ROBO2: variants seen among roughly 807,000 people sequenced by gnomAD.
The protein encoded by ROBO2 is roundabout homolog 2.
In ROBO2, 53 loss-of-function variants were observed where a neutral mutation model predicts 160.8. The ratio of observed to expected loss-of-function variants is 0.33; its 90% CI spans 0.26 to 0.41. The LOEUF is 0.41. ROBO2 is among the 10% of genes least tolerant of loss of function. The pLI is 1.00. For missense variants in ROBO2, 1,577 were observed against 1,722.4 expected (o/e 0.92, Z 1.49); for synonymous variants, 664 against 611.7 (o/e 1.09, Z -1.26).
chr3:76,407,195 T>A (rs574573364), intron 2 of ROBO2, among the ~76,000 whole-genome samples: 1 of 152,060 alleles, frequency 6.6e-6, no homozygotes, highest in South Asian at 2.1e-4. Context: ...TATTCAGGTC[T>A]CATTTTACAT....
intron 2 of ROBO2, among the ~76,000 whole-genome samples, chr3:77,413,338 G>A (rs1050290014): frequency 1.3e-5 from 2 of 152,126 alleles, no homozygotes; most frequent in African/African-American, 4.8e-5. Context: ...TACGAAAAGC[G>A]AGGAGTTCCA....
At chr3:76,155,017 A>G (rs1516472) in intron 2 of ROBO2, among the ~76,000 whole-genome samples, 3,318 of 152,250 alleles carry the variant, frequency 0.022, 216 homozygotes, top group East Asian at 0.21. Flanking sequence ...TATTAAAGAT[A>G]TCCGAAAAAC....
At chr3:77,424,742 T>C (rs4254634) in intron 2 of ROBO2, among the ~76,000 whole-genome samples, 11,991 of 152,202 alleles carry the variant, frequency 0.079, 556 homozygotes, top group African/African-American at 0.11. Context: ...TTTTTGTATA[T>C]GAACACTGCG....
chr3:77,463,531 A>T (rs538193253), intron 2 of ROBO2, among the ~76,000 whole-genome samples: 2 of 151,942 alleles, frequency 1.3e-5, no homozygotes, highest in East Asian at 3.9e-4. Context: ...GGCCTGAAAA[A>T]TTTTATATAT....
rs558975226 is a variant in ROBO2 at position 76,912,954 on chromosome 3, T to TA, written c.110-185049dup. ...TTACATTCTTTGTACAGAGGGAGTT[T>TA]AAAAAAAAAAATAGGTCTTATACGT... On this transcript the variant is annotated intron_variant, in intron 2 of 26. Coordinates refer to the ROBO2 transcript ENST00000487694. Among the ~76,000 whole-genome samples, 986 of 147,520 alleles carry TA rather than the reference T, an allele frequency of 6.7e-3. 7 individuals are homozygous for TA. The highest frequency in any genetic ancestry group is 0.022 in the African/African-American group (902 of 40,388).
chr3:76,533,640 C>A (rs1029302148), intron 2 of ROBO2, among the ~76,000 whole-genome samples: 1 of 152,178 alleles, frequency 6.6e-6, no homozygotes, highest in African/African-American at 2.4e-5. Flanking sequence ...GCTGCTTATT[C>A]ACTTGGGTGC....
chr3:76,250,786 T>A (rs1705944330), intron 2 of ROBO2, among the ~76,000 whole-genome samples: 1 of 152,094 alleles, frequency 6.6e-6, no homozygotes, highest in Non-Finnish European at 1.5e-5. Context: ...CTACCCATTT[T>A]CTCTAATAAA....
At chr3:77,447,391 G>A (rs1407952504) in intron 2 of ROBO2, among the ~76,000 whole-genome samples, 2 of 152,030 alleles carry the variant, frequency 1.3e-5, no homozygotes, top group Non-Finnish European at 2.9e-5. Flanking sequence ...CTTCAGTAAT[G>A]CTGTTGGATT....
chr3:77,357,239 A>G (rs2153463593), intron 2 of ROBO2, among the ~76,000 whole-genome samples: 1 of 152,282 alleles, frequency 6.6e-6, no homozygotes, highest in South Asian at 2.1e-4. Context: ...TAGGACCTTT[A>G]TGAGATGCTT....
At chr3:76,210,544 A>C (rs1318768875) in intron 2 of ROBO2, among the ~76,000 whole-genome samples, 1 of 152,048 alleles carries the variant, frequency 6.6e-6, no homozygotes, top group Non-Finnish European at 1.5e-5. Flanking sequence ...ATCAATACCA[A>C]ATTTATTTTT....
chr3:76,142,997 C>T (rs1474468202), intron 2 of ROBO2, among the ~76,000 whole-genome samples: 3 of 151,812 alleles, frequency 2.0e-5, no homozygotes, highest in African/African-American at 7.3e-5. Context: ...ATTTTCACGT[C>T]ATTTATGATG....
intron 2 of ROBO2, among the ~76,000 whole-genome samples, chr3:76,839,251 TG>T (rs1284886718): frequency 6.6e-6 from 1 of 152,200 alleles, no homozygotes; most frequent in Non-Finnish European, 1.5e-5. Context: ...AGATATTTTA[TG>T]GGACAATAAT....
chr3:77,029,330 CT>C (rs1559867026), intron 2 of ROBO2, among the ~76,000 whole-genome samples: 1 of 151,960 alleles, frequency 6.6e-6, no homozygotes, highest in African/African-American at 2.4e-5. Context: ...AGAGAATTTT[CT>C]TTTTTATTTA....
At position 77,339,764 on chromosome 3, in the gene ROBO2, A is replaced by T. The variant is rs188725558; in HGVS notation, c.389-137650A>T. 4.1e-3 allele frequency among the ~76,000 whole-genome samples: 575 copies of T among 140,478 alleles called. 3 individuals carry two copies. Among genetic ancestry groups the T allele is most frequent in the Admixed American group, 6.3e-3 (93 of 14,694 alleles). The allele number at this position is 140,478 out of a possible 152,430, so 92.2% of individuals were successfully genotyped here. A position where few individuals can be genotyped will look rare whatever the true frequency, so the allele number is the denominator to read the frequency against. Reference sequence around the variant, plus strand: ...CTTTAGGCATTATAATATATATTTTAAAAAAAAAGAGTTGGAGTGGCTAGC... The same window carrying T: ...CTTTAGGCATTATAATATATATTTTTAAAAAAAAGAGTTGGAGTGGCTAGC... On this transcript the variant is annotated intron_variant, in intron 2 of 25. Coordinates refer to ENST00000461745, the Ensembl canonical transcript of ROBO2.
chr3:76,823,132 A>T (rs1322613816), intron 2 of ROBO2, among the ~76,000 whole-genome samples: 1 of 152,082 alleles, frequency 6.6e-6, no homozygotes, highest in African/African-American at 2.4e-5. Context: ...TGATGCTTAA[A>T]TTTTCTCAGC....
At chr3:76,947,121 C>T (rs2078602318) in intron 2 of ROBO2, among the ~76,000 whole-genome samples, 1 of 152,122 alleles carries the variant, frequency 6.6e-6, no homozygotes, top group African/African-American at 2.4e-5. Context: ...ACTTCTTTTA[C>T]ATGTACATTC....
intron 2 of ROBO2, among the ~76,000 whole-genome samples, chr3:77,301,765 T>G (rs1407066635): frequency 1.3e-5 from 2 of 152,242 alleles, no homozygotes; most frequent in Non-Finnish European, 2.9e-5. Context: ...ACTCTTTTAC[T>G]AAATTCACGG....
At chr3:77,076,568 A>G (rs2149884618) in intron 1 of ROBO2, among the ~76,000 whole-genome samples, 1 of 152,246 alleles carries the variant, frequency 6.6e-6, no homozygotes, top group Non-Finnish European at 1.5e-5. Flanking sequence ...GCTATGTCTC[A>G]CCAACCACCT....
intron 4 of ROBO2, among the ~76,000 whole-genome samples, chr3:77,491,030 A>G (rs1455311002): frequency 6.6e-6 from 1 of 152,198 alleles, no homozygotes; most frequent in African/African-American, 2.4e-5. Flanking sequence ...ATAGCTCTCT[A>G]TCAACCTCAG....
Sources: allele counts gnomAD v4.1 joint callset (sites outside exome capture counted in the v4.1 genomes callset), GRCh38; gene constraint gnomAD v4.1.1; transcripts MANE v1.5; gene names NCBI Gene and HGNC (gene_info 2026-07-23, HGNC 2026-07-21).